The following ARL8B variants were observed in gnomAD, a reference collection of about 807,000 sequenced individuals.
ARL8B encodes the protein ADP-ribosylation factor-like protein 8B.
In ARL8B, 9 loss-of-function variants were observed where a neutral mutation model predicts 30.6. The observed-to-expected ratio is 0.29, with a 90% CI of 0.18 to 0.51. ARL8B has a LOEUF of 0.51. ARL8B is among the 20% of genes least tolerant of loss of function. The probability of loss-of-function intolerance (pLI) is 0.97; values close to 1 mark genes in which losing one functional copy is unlikely to be tolerated. For synonymous variants in ARL8B, 74 were observed against 76.0 expected, an observed-to-expected ratio of 0.97 and a Z score of 0.14; for missense variants, 130 against 227.2, an observed-to-expected ratio of 0.57 and a Z score of 2.75.
chr3:5,125,845 T>C (rs1158110220), intron 1 of ARL8B, among the ~76,000 whole-genome samples: 1 of 152,160 alleles, frequency 6.6e-6, no homozygotes, highest in Non-Finnish European at 1.5e-5. Flanking sequence ...CTGTTATCAT[T>C]AGACTATTCT....
In ARL8B at chr3:5,179,295, A is replaced by G. The variant is rs2054756950; in HGVS notation, c.*582A>G. 1 of 152,408 alleles carries G rather than the reference A, an allele frequency of 6.6e-6. No homozygotes were observed. Among genetic ancestry groups the G allele is most frequent in the Non-Finnish European group, 1.5e-5 (1 of 68,040 alleles). The allele number at this position is 152,408 out of a possible 1,614,324, so 9.4% of individuals were successfully genotyped here. ...AATCCAAAATGGTCTGCAGAGAGTG[A>G]GCGGAGGCACCAGATCAATGTTGGT... On this transcript the variant is annotated 3_prime_UTR_variant, in exon 7 of 7. Coordinates refer to ENST00000256496, the MANE Select transcript of ARL8B (RefSeq NM_018184.3).
intron 1 of ARL8B, among the ~76,000 whole-genome samples, chr3:5,152,966 T>C (rs1454401446): frequency 6.6e-6 from 1 of 152,252 alleles, no homozygotes; most frequent in Admixed American, 6.5e-5. Context: ...TTGTTTTCTG[T>C]TCAGTGCCTT....
chr3:5,175,495 C>T (rs1176628370), intron 6 of ARL8B, among the ~76,000 whole-genome samples: 1 of 152,116 alleles, frequency 6.6e-6, no homozygotes, highest in Admixed American at 6.5e-5. Context: ...AGTTATTGAA[C>T]CAGTATATTA....
In ARL8B at chr3:5,180,436, T is replaced by C. The variant is rs374084151; in HGVS notation, c.*1723T>C. 6 of 152,334 alleles carry C rather than the reference T, an allele frequency of 3.9e-5. No homozygotes were observed. Among genetic ancestry groups the C allele is most frequent in the African/African-American group, 1.2e-4 (5 of 41,466 alleles). 9.4% of individuals were successfully genotyped at this position (152,334 alleles called of 1,614,324 possible). A position where few individuals can be genotyped will look rare whatever the true frequency, so the allele number is the denominator to read the frequency against. ...GGTCAGTGTGAACCATTACAAAGAA[T>C]GTGGCAACTTGCTTGTGCCTAAAAG... is the stretch of plus-strand genomic sequence containing the variant. On this transcript the variant is annotated 3_prime_UTR_variant, in exon 7 of 7. Transcript: ENST00000256496.
At chr3:5,140,168 A>AG (rs2054360159) in intron 1 of ARL8B, among the ~76,000 whole-genome samples, 1 of 152,020 alleles carries the variant, frequency 6.6e-6, no homozygotes, top group Non-Finnish European at 1.5e-5. Context: ...TAGGGAACAA[A>AG]GTCTTCTGGT....
At chr3:5,146,748 G>A (rs1036301185) in intron 1 of ARL8B, among the ~76,000 whole-genome samples, 2 of 152,118 alleles carry the variant, frequency 1.3e-5, no homozygotes, top group Admixed American at 1.3e-4. Flanking sequence ...CTCTCAGTTC[G>A]TTCTGGTCCC....
rs1382098350 is a variant in ARL8B, at chr3:5,142,776, A to G, written c.123+20188A>G. ...TATTAGTTTGAGAACAAATCACCCT[A>G]TGGGGTCTTTCCCTGTGATGTCTGC... On this transcript the variant is annotated intron_variant, in intron 1 of 6. Coordinates refer to ENST00000256496, the MANE Select transcript of ARL8B (RefSeq NM_018184.3). 3.3e-5 allele frequency among the ~76,000 whole-genome samples: 5 copies of G among 152,306 alleles called. No homozygotes were observed. In the South Asian group the frequency reaches 8.3e-4, roughly 25 times the overall value.
intron 4 of ARL8B, 87 bp from the exon 5 acceptor site, chr3:5,173,930 A>C: frequency 3.0e-6 from 3 of 994,884 alleles, no homozygotes; most frequent in Non-Finnish European, 4.8e-6. Context: ...TAACATCTTA[A>C]CTTTGTGTCT....
chr3:5,161,290 C>T (rs1402754605), intron 1 of ARL8B, among the ~76,000 whole-genome samples: 1 of 152,082 alleles, frequency 6.6e-6, no homozygotes, highest in Non-Finnish European at 1.5e-5. Flanking sequence ...ACCATAAACT[C>T]AGCAACATCA....
intron 1 of ARL8B, among the ~76,000 whole-genome samples, chr3:5,138,761 G>A (rs28629281): frequency 0.025 from 3,744 of 152,294 alleles, 64 homozygotes; most frequent in Non-Finnish European, 0.042. Flanking sequence ...TTTGGAACCT[G>A]AGAAATGTAC....
chr3:5,123,530 G>A (rs2054202206), intron 1 of ARL8B, among the ~76,000 whole-genome samples: 1 of 152,202 alleles, frequency 6.6e-6, no homozygotes, highest in African/African-American at 2.4e-5. Context: ...GAGCCCAAGA[G>A]TTGTTGTGAC....
At chr3:5,131,394 AT>A (rs61389011) in intron 1 of ARL8B, among the ~76,000 whole-genome samples, 19,615 of 148,324 alleles carry the variant, frequency 0.13, 1,365 homozygotes, top group East Asian at 0.27. Context: ...AAATTAAAAA[AT>A]TTTTTTTTTT....
chr3:5,176,973 T>C (rs1179727230), intron 6 of ARL8B, among the ~76,000 whole-genome samples: 1 of 152,198 alleles, frequency 6.6e-6, no homozygotes, highest in East Asian at 1.9e-4. Flanking sequence ...CAGCAAAGAA[T>C]TATCCAGCAT....
At chr3:5,174,751 T>C (rs974637705) in intron 6 of ARL8B, among the ~76,000 whole-genome samples, 48 of 145,484 alleles carry the variant, frequency 3.3e-4, no homozygotes, top group Non-Finnish European at 6.3e-4. Context: ...TAATATATAA[T>C]ATATATAAAT....
chr3:5,177,120 C>G (rs1194328063), intron 6 of ARL8B, among the ~76,000 whole-genome samples: 2 of 152,004 alleles, frequency 1.3e-5, no homozygotes, highest in Non-Finnish European at 2.9e-5. Context: ...TTGGATACTT[C>G]CTGAAAAAAA....
chr3:5,171,261 G>A (rs1285991094), intron 2 of ARL8B, among the ~76,000 whole-genome samples: 1 of 152,172 alleles, frequency 6.6e-6, no homozygotes, highest in East Asian at 1.9e-4. Context: ...AGACTTTAAT[G>A]TAGCCCAGTG....
At chr3:5,159,424 G>A (rs1185014420) in intron 1 of ARL8B, among the ~76,000 whole-genome samples, 1 of 151,514 alleles carries the variant, frequency 6.6e-6, no homozygotes, top group Non-Finnish European at 1.5e-5. Context: ...CCAATATGGA[G>A]AAACCCTGTC....
At chr3:5,141,746 C>CA (rs1195060871) in intron 1 of ARL8B, among the ~76,000 whole-genome samples, 1 of 152,204 alleles carries the variant, frequency 6.6e-6, no homozygotes, top group Non-Finnish European at 1.5e-5. Flanking sequence ...ATAACACTTA[C>CA]ACCCCCTTTT....
At chr3:5,144,065 G>C (rs889022710) in intron 1 of ARL8B, among the ~76,000 whole-genome samples, 1 of 152,206 alleles carries the variant, frequency 6.6e-6, no homozygotes, top group Non-Finnish European at 1.5e-5. Context: ...ACCAAGGAGT[G>C]TGATAATCCC....
Sources: gnomAD v4.1 joint callset for allele counts (sites outside exome capture counted in the v4.1 genomes callset) on GRCh38, gnomAD v4.1.1 for gene constraint, MANE v1.5 for transcripts, NCBI Gene and HGNC (gene_info 2026-07-23, HGNC 2026-07-21) for gene names.